Variants in PRKCH observed in about 807,000 individuals in gnomAD.
PRKCH encodes protein kinase C eta.
A neutral mutation model predicts 82.5 loss-of-function variants in PRKCH; 28 were observed. The ratio of observed to expected loss-of-function variants is 0.34; its 90% CI spans 0.25 to 0.47. PRKCH has a LOEUF of 0.47. PRKCH is among the 20% of genes least tolerant of loss of function. The pLI is 1.00. For synonymous variants in PRKCH, 322 were observed against 327.4 expected, an observed-to-expected ratio of 0.98 and a Z score of 0.18; for missense variants, 705 against 881.8, an observed-to-expected ratio of 0.80 and a Z score of 2.54.
At chr14:61,238,567 T>C (rs1215713003) in intron 1 of PRKCH, among the ~76,000 whole-genome samples, 3 of 152,186 alleles carry the variant, frequency 2.0e-5, no homozygotes, top group African/African-American at 7.2e-5. Context: ...CACATTTACA[T>C]TTTATTCACC....
intron 2 of PRKCH, among the ~76,000 whole-genome samples, chr14:61,437,760 G>A (rs1883745716): frequency 6.6e-6 from 1 of 152,028 alleles, no homozygotes; most frequent in Admixed American, 6.6e-5. Flanking sequence ...CAATTTCCTA[G>A]GTATTCATTC....
intron 1 of PRKCH, among the ~76,000 whole-genome samples, chr14:61,367,908 G>A (rs2046317995): frequency 6.6e-6 from 1 of 151,730 alleles, no homozygotes; most frequent in South Asian, 2.1e-4. Context: ...TAGAGACGGG[G>A]TTTCACCTTG....
chr14:61,199,731 G>A (rs1054759982), intron 1 of PRKCH, among the ~76,000 whole-genome samples: 1 of 152,130 alleles, frequency 6.6e-6, no homozygotes, highest in Non-Finnish European at 1.5e-5. Context: ...GAAACATCAG[G>A]CGCTAGTTCC....
chr14:61,409,696 C>T, intron 2 of PRKCH, among the ~76,000 whole-genome samples: 1 of 121,962 alleles, frequency 8.2e-6, no homozygotes. Context: ...ACAGTGAGAC[C>T]CTGTCTCAAA....
At chr14:61,407,361 T>G (rs1245697152) in intron 2 of PRKCH, among the ~76,000 whole-genome samples, 1 of 152,230 alleles carries the variant, frequency 6.6e-6, no homozygotes. Flanking sequence ...AATGGTTCCT[T>G]GGGATCCACC....
At chr14:61,189,611 CTTCCT>C (rs562653225) in intron 1 of PRKCH, among the ~76,000 whole-genome samples, 1 of 151,898 alleles carries the variant, frequency 6.6e-6, no homozygotes, top group East Asian at 1.9e-4. Context: ...CTTCCCTTCC[CTTCCT>C]TTCTTCCTCC....
Position 61,482,815 on chromosome 14 carries a change from G to A in PRKCH, c.1279-2687G>A, listed in dbSNP as rs867015272. 3.3e-5 allele frequency among the ~76,000 whole-genome samples: 5 copies of A among 152,184 alleles called. No homozygotes were observed. The South Asian group carries it at 1.0e-3, about 32-fold the overall frequency. On this transcript the variant is annotated intron_variant, in intron 9 of 13. Transcript: ENST00000332981. The stretch of plus-strand genomic sequence containing the variant: ...GCCTCCAGGGCTGTAGATGGGGCTG[G>A]GCTAAAGCAAGACTAGAGGGCAGGA...
chr14:61,347,728 A>G (rs1428636140), intron 1 of PRKCH, among the ~76,000 whole-genome samples: 1 of 152,200 alleles, frequency 6.6e-6, no homozygotes, highest in Non-Finnish European at 1.5e-5. Context: ...TATAACTAGT[A>G]ATGAACCTCA....
chr14:61,530,411 T>C lies in PRKCH; in HGVS notation c.1577T>C (p.Leu526Pro). Residue 526 changes from leucine (L) to proline (P), a missense_variant, in exon 12 of 14, where the codon CTC becomes CCC. By Grantham distance (98) the Leu-to-Pro change is moderately conservative. Coordinates refer to ENST00000332981, the MANE Select transcript of PRKCH (RefSeq NM_006255.5). Reference sequence around the variant, plus strand: ...CACGCTGCCCCCTTTGCACAGATCCTCCAGGAAATGCTGTACGGGCCTGCA... The same window carrying C: ...CACGCTGCCCCCTTTGCACAGATCCCCCAGGAAATGCTGTACGGGCCTGCA... ...GTPDYIAPEILQEMLYGPAVD... is the reference protein window; with the variant it reads ...GTPDYIAPEIPQEMLYGPAVD... 6.3e-7 allele frequency: 1 copy of C among 1,584,460 alleles called. No individual in the cohort carries two copies. Among genetic ancestry groups the C allele is most frequent in the Non-Finnish European group, 8.6e-7 (1 of 1,162,774 alleles).
intron 10 of PRKCH, 146 bp downstream of exon 10, chr14:61,485,802 G>A (rs1886193514): frequency 1.7e-6 from 2 of 1,166,592 alleles, no homozygotes; most frequent in Admixed American, 4.9e-5. Flanking sequence ...TTGTTTTTGA[G>A]ACAGGGTCTC....
chr14:61,363,628 A>G (rs1372918826), intron 1 of PRKCH, among the ~76,000 whole-genome samples: 2 of 152,104 alleles, frequency 1.3e-5, no homozygotes, highest in Non-Finnish European at 2.9e-5. Flanking sequence ...TGGCAATTGA[A>G]TGTGAGTCTG....
chr14:61,427,689 T>C (rs1300572639), intron 2 of PRKCH, among the ~76,000 whole-genome samples: 1 of 152,086 alleles, frequency 6.6e-6, no homozygotes, highest in Non-Finnish European at 1.5e-5. Flanking sequence ...TGGGCTTAAG[T>C]AATCCTTCTG....
At chr14:61,192,101 G>A (rs1317007322) in intron 1 of PRKCH, among the ~76,000 whole-genome samples, 17 of 151,880 alleles carry the variant, frequency 1.1e-4, no homozygotes, top group Non-Finnish European at 5.9e-5. Flanking sequence ...CCACCAGTTA[G>A]GTGTTACTCT....
chr14:61,457,235 T>C lies in PRKCH; in HGVS notation c.1020T>C (p.Asn340=). The change falls in exon 8 of 14, where the codon AAT becomes AAC. Residue 340 remains asparagine, a synonymous_variant. Coordinates refer to ENST00000332981, the MANE Select transcript of PRKCH (RefSeq NM_006255.5). ...RQGKESSKEG[N]GIGVNSSNRL... is the part of the protein sequence containing the mutation. ...GAAAGGAGAGCAGCAAAGAAGGAAATGGGATTGGGGTTAATTCTTCCAACC... is the reference window on the plus strand; with the variant it reads ...GAAAGGAGAGCAGCAAAGAAGGAAACGGGATTGGGGTTAATTCTTCCAACC... The C allele has an allele frequency of 1.2e-6, 2 of 1,614,034 alleles. No homozygotes were observed. The highest frequency in any genetic ancestry group is 1.7e-5 in the Admixed American group (1 of 60,002).
intron 1 of PRKCH, chr14:61,303,481 T>A (rs1210401523): frequency 6.6e-6 from 1 of 152,216 alleles, no homozygotes. Flanking sequence ...TGAAGTTTGT[T>A]TTGTATAATA....
Position 61,280,295 on chromosome 14 carries a change from C to T in PRKCH, c.-19+92627C>T. 1 of 1,613,848 alleles carries T rather than the reference C, an allele frequency of 6.2e-7. No individual in the cohort carries two copies. Among genetic ancestry groups the T allele is most frequent in the Non-Finnish European group, 8.5e-7 (1 of 1,179,960 alleles). On this transcript the variant is annotated intron_variant, in intron 1 of 3. Transcript: ENST00000555185. This position sits in a 1 kb window ranked among gnomAD's most constrained non-coding sequence, Gnocchi z 5.0. Reference sequence around the variant, plus strand: ...ACCGGGTAGTTGTAGGTGATGTTGACGCGGTAGGCGCCCCGCGGCAGCCCG... The same window carrying T: ...ACCGGGTAGTTGTAGGTGATGTTGATGCGGTAGGCGCCCCGCGGCAGCCCG...
chr14:61,512,780 C>T (rs900580359), intron 10 of PRKCH, among the ~76,000 whole-genome samples: 5 of 152,076 alleles, frequency 3.3e-5, no homozygotes, highest in South Asian at 2.1e-4. Context: ...GGCTTTTGTA[C>T]CTACAAGCCC....
At chr14:61,290,250 C>G (rs2045349674) in intron 1 of PRKCH, among the ~76,000 whole-genome samples, 1 of 151,780 alleles carries the variant, frequency 6.6e-6, no homozygotes, top group South Asian at 2.1e-4. Flanking sequence ...CAAGATCACA[C>G]CAGTGCACTC....
At chr14:61,200,360 C>T (rs1292794978) in intron 1 of PRKCH, among the ~76,000 whole-genome samples, 2 of 151,676 alleles carry the variant, frequency 1.3e-5, no homozygotes, top group Non-Finnish European at 2.9e-5. Flanking sequence ...CAGGAACACT[C>T]ATATGCTACT....
Sources: gnomAD v4.1 joint callset for allele counts (sites outside exome capture counted in the v4.1 genomes callset) on GRCh38, gnomAD v4.1.1 for gene constraint, Gnocchi (gnomAD v3.1) non-coding constraint, MANE v1.5 for transcripts, NCBI Gene and HGNC (gene_info 2026-07-23, HGNC 2026-07-21) for gene names.